CDH12: variants seen among roughly 807,000 people sequenced by gnomAD.
CDH12 encodes the protein cadherin 12, also known as cadherin-12.
A neutral mutation model predicts 74.1 loss-of-function variants in CDH12; 41 were observed. The observed-to-expected ratio is 0.55, with a 90% CI of 0.43 to 0.72. The LOEUF (loss-of-function observed/expected upper bound fraction) is 0.72. Among genes scored for constraint, CDH12 ranks in the 30% least tolerant of loss-of-function variants. CDH12 has a pLI of 0.00. For synonymous variants in CDH12, 399 were observed against 355.0 expected (o/e 1.12, Z -1.39); for missense variants, 945 against 977.2 (o/e 0.97, Z 0.44).
intron 5 of CDH12, among the ~76,000 whole-genome samples, chr5:22,034,753 T>C (rs1182153451): frequency 6.6e-6 from 1 of 152,150 alleles, no homozygotes; most frequent in African/African-American, 2.4e-5. Context: ...AATTGCCAAT[T>C]ATCGAAATAA....
At chr5:21,967,836 C>T (rs1270044693) in intron 6 of CDH12, among the ~76,000 whole-genome samples, 2 of 152,158 alleles carry the variant, frequency 1.3e-5, no homozygotes, top group Non-Finnish European at 2.9e-5. Flanking sequence ...TGCCAAACTG[C>T]GTGCAGTGGA....
At chr5:22,390,198 TGA>T (rs1491436938) in intron 3 of CDH12, among the ~76,000 whole-genome samples, 1 of 152,140 alleles carries the variant, frequency 6.6e-6, no homozygotes, top group Admixed American at 6.5e-5. Context: ...GTGCTTATTA[TGA>T]GAGTAGGCTA....
intron 1 of CDH12, among the ~76,000 whole-genome samples, chr5:22,830,695 C>G (rs1354520151): frequency 6.6e-6 from 1 of 151,318 alleles, no homozygotes; most frequent in Non-Finnish European, 1.5e-5. Flanking sequence ...TTCAAATTGC[C>G]TTTAGAATTG....
intron 1 of CDH12, among the ~76,000 whole-genome samples, chr5:22,534,614 G>A (rs1365903312): frequency 6.6e-6 from 1 of 152,058 alleles, no homozygotes; most frequent in African/African-American, 2.4e-5. Flanking sequence ...ACTGATTACA[G>A]AGAAAGCACA....
chr5:22,204,224 G>A (rs568821360), intron 4 of CDH12, among the ~76,000 whole-genome samples: 5 of 150,676 alleles, frequency 3.3e-5, no homozygotes, highest in Admixed American at 2.0e-4. Context: ...CCAGGCTGGC[G>A]TGCAGTGGTG....
chr5:22,290,481 G>T (rs1737337322), intron 3 of CDH12, among the ~76,000 whole-genome samples: 1 of 152,154 alleles, frequency 6.6e-6, no homozygotes, highest in African/African-American at 2.4e-5. Flanking sequence ...GAGATGTCCT[G>T]AAGTGAAAAA....
At chr5:22,697,298 G>A (rs571715032) in intron 1 of CDH12, among the ~76,000 whole-genome samples, 10 of 152,146 alleles carry the variant, frequency 6.6e-5, no homozygotes, top group South Asian at 2.1e-4. Flanking sequence ...CCAGCCGGGC[G>A]CGGTGCCTCA....
At chr5:22,843,837 T>G (rs933398243) in intron 1 of CDH12, among the ~76,000 whole-genome samples, 1 of 152,096 alleles carries the variant, frequency 6.6e-6, no homozygotes, top group African/African-American at 2.4e-5. Flanking sequence ...ATGTTGGCAC[T>G]GTAAAGCAGG....
At chr5:22,534,721 G>C (rs901483695) in intron 1 of CDH12, among the ~76,000 whole-genome samples, 4 of 151,952 alleles carry the variant, frequency 2.6e-5, no homozygotes, top group African/African-American at 9.7e-5. Context: ...GGACTCAATG[G>C]AACAGAAAAT....
intron 3 of CDH12, among the ~76,000 whole-genome samples, chr5:22,310,739 T>C (rs997943467): frequency 6.6e-6 from 1 of 152,182 alleles, no homozygotes; most frequent in South Asian, 2.1e-4. Flanking sequence ...TCAATAACAA[T>C]GTCTAACTCA....
chr5:22,334,472 C>T (rs1482920086), intron 3 of CDH12, among the ~76,000 whole-genome samples: 3 of 152,028 alleles, frequency 2.0e-5, no homozygotes, highest in Admixed American at 1.3e-4. Context: ...ATGAAAATAC[C>T]AATGACATCC....
At chr5:21,912,526 A>G (rs1753902505) in intron 6 of CDH12, among the ~76,000 whole-genome samples, 1 of 152,156 alleles carries the variant, frequency 6.6e-6, no homozygotes, top group Non-Finnish European at 1.5e-5. Flanking sequence ...GGTTTGCCCA[A>G]GGGTGATCCA....
intron 1 of CDH12, among the ~76,000 whole-genome samples, chr5:22,717,542 T>A (rs1743643358): frequency 6.6e-6 from 1 of 152,070 alleles, no homozygotes; most frequent in African/African-American, 2.4e-5. Context: ...GCAAGTGGAG[T>A]ATATTTTCTA....
chr5:22,079,278 T>C (rs149124995), intron 4 of CDH12, among the ~76,000 whole-genome samples: 1 of 152,306 alleles, frequency 6.6e-6, no homozygotes, highest in African/African-American at 2.4e-5. Flanking sequence ...AGTAGCACTT[T>C]TTTCTTCTAC....
At chr5:22,360,226 C>A (rs1187458293) in intron 3 of CDH12, among the ~76,000 whole-genome samples, 2 of 151,906 alleles carry the variant, frequency 1.3e-5, no homozygotes, top group Non-Finnish European at 2.9e-5. Flanking sequence ...CAAATAGATG[C>A]AATAAAAAAT....
intron 6 of CDH12, among the ~76,000 whole-genome samples, chr5:21,941,395 C>T (rs1488958394): frequency 6.6e-6 from 1 of 152,148 alleles, no homozygotes; most frequent in East Asian, 1.9e-4. Flanking sequence ...TAATAGCATG[C>T]ATGCTTGAAC....
chr5:22,170,593 G>C (rs55732281), intron 4 of CDH12, among the ~76,000 whole-genome samples: 56,361 of 149,380 alleles, frequency 0.38, 10,876 homozygotes, highest in Non-Finnish European at 0.41. Context: ...TTATATATAA[G>C]TTATATATAA....
rs558366436 is a variant in CDH12 at position 21,975,983 on chromosome 5, G to C, written c.232-598C>G. ...GAAATCAATGACCTGAATCCAGTGG[G>C]AGATAGTGCAAAGGAACTCAGAAAA... On this transcript the variant is annotated intron_variant, in intron 5 of 14. Coordinates refer to ENST00000382254, the MANE Select transcript of CDH12 (RefSeq NM_004061.5). Among the ~76,000 whole-genome samples, 4 of 152,098 alleles carry C rather than the reference G, an allele frequency of 2.6e-5. No individual in the cohort carries two copies. In the South Asian group the frequency reaches 8.3e-4, roughly 32 times the overall value.
At chr5:22,447,296 G>T (rs1744853253) in intron 2 of CDH12, among the ~76,000 whole-genome samples, 1 of 151,718 alleles carries the variant, frequency 6.6e-6, no homozygotes, top group Non-Finnish European at 1.5e-5. Context: ...TTCTTACAAG[G>T]TTATTGGATG....
Sources: gnomAD v4.1 joint callset for allele counts (sites outside exome capture counted in the v4.1 genomes callset) on GRCh38, gnomAD v4.1.1 for gene constraint, MANE v1.5 for transcripts, NCBI Gene and HGNC (gene_info 2026-07-23, HGNC 2026-07-21) for gene names.